CUX2: variants seen among roughly 807,000 people sequenced by gnomAD.
CUX2 encodes cut like homeobox 2, also known as homeobox protein cut-like 2.
Under a neutral mutation model 144.8 loss-of-function variants are expected in CUX2, and 40 were observed. The observed-to-expected ratio is 0.28, with a 90% confidence interval of 0.21 to 0.36. The LOEUF (loss-of-function observed/expected upper bound fraction) is 0.36. CUX2 is among the 10% of genes least tolerant of loss of function. CUX2 has a pLI of 1.00. For missense variants in CUX2, 1,615 were observed against 1,994.0 expected (o/e 0.81, Z 3.62); for synonymous variants, 827 against 875.6 (o/e 0.94, Z 0.98).
chr12:111,281,253 G>A (rs1201350889), intron 4 of CUX2, among the ~76,000 whole-genome samples: 2 of 152,078 alleles, frequency 1.3e-5, no homozygotes, highest in African/African-American at 2.4e-5. Flanking sequence ...GGGACCTGGT[G>A]TCTTGTCCTC....
intron 1 of CUX2, among the ~76,000 whole-genome samples, chr12:111,108,915 G>A (rs1006945616): frequency 6.6e-6 from 1 of 152,150 alleles, no homozygotes; most frequent in Non-Finnish European, 1.5e-5. Flanking sequence ...TAACCCCAGA[G>A]GCTTGATCAG....
intron 1 of CUX2, among the ~76,000 whole-genome samples, chr12:111,058,343 T>C (rs1022628530): frequency 3.0e-4 from 45 of 152,236 alleles, no homozygotes; most frequent in African/African-American, 9.9e-4. Flanking sequence ...ATCTTAAAAA[T>C]TGTCTGATTG....
chr12:111,121,958 C>G (rs1420044042), intron 1 of CUX2, among the ~76,000 whole-genome samples: 1 of 151,688 alleles, frequency 6.6e-6, no homozygotes, highest in East Asian at 1.9e-4. Context: ...CAAATCATTC[C>G]TAGGAGGTTA....
At position 111,263,680 on chromosome 12, in the gene CUX2, TG is replaced by T. The variant is rs1056699935; in HGVS notation, c.223-79del. ...CAAAAAACCTGCAGATGTTTTCTTG[TG>T]GAAAAAAAAAATGATGAAATTTGCT... On this transcript the variant is annotated intron_variant, in intron 3 of 21. Transcript: ENST00000261726. This position sits in a 1 kb window ranked among gnomAD's most constrained non-coding sequence, Gnocchi z 4.0. The T allele has an allele frequency of 2.7e-6, 3 of 1,115,288 alleles. No homozygotes were observed. Among genetic ancestry groups the T allele is most frequent in the Non-Finnish European group, 4.0e-6 (3 of 751,952 alleles). 69.1% of individuals were successfully genotyped at this position (1,115,288 alleles called of 1,614,324 possible).
chr12:111,104,713 G>C (rs1566223824), intron 1 of CUX2, among the ~76,000 whole-genome samples: 1 of 152,220 alleles, frequency 6.6e-6, no homozygotes, highest in African/African-American at 2.4e-5. Context: ...GAGCCGCCAG[G>C]CCAGAAGAGG....
chr12:111,254,646 G>A (rs1403952941), intron 3 of CUX2, among the ~76,000 whole-genome samples: 2 of 152,146 alleles, frequency 1.3e-5, no homozygotes, highest in Admixed American at 6.5e-5. Flanking sequence ...AAATGAATTC[G>A]TGACTTATAC....
At chr12:111,170,227 C>T (rs896597417) in intron 1 of CUX2, among the ~76,000 whole-genome samples, 2 of 152,076 alleles carry the variant, frequency 1.3e-5, no homozygotes, top group African/African-American at 4.8e-5. Flanking sequence ...GTCGGGAGTT[C>T]AAGACCAGCC....
intron 1 of CUX2, among the ~76,000 whole-genome samples, chr12:111,112,568 C>T (rs530138107): frequency 1.2e-4 from 18 of 151,512 alleles, no homozygotes; most frequent in Non-Finnish European, 2.4e-4. Context: ...CACAGGGGGA[C>T]GTGGGGGGAA....
rs761941379 is a variant in CUX2 at position 111,320,548 on chromosome 12, C to T, written c.2539C>T (p.Pro847Ser). 4 of 1,543,234 alleles carry T rather than the reference C, an allele frequency of 2.6e-6. No homozygotes were observed. In the Admixed American group the frequency reaches 5.8e-5, roughly 23 times the overall value. ...GGCGGCAGGGGCGGAGGACGAACCC[C>T]CCAGGACGGGCGAGCTCAAGGCTGA... ...EAAAGAEDEPPRTGELKAEGA... is the reference protein window; with the variant it reads ...EAAAGAEDEPSRTGELKAEGA... The change falls in exon 17 of 22, where the codon CCC becomes TCC. Residue 847 changes from proline (P) to serine (S), a missense_variant. By Grantham distance (74) the Pro-to-Ser change is moderately conservative. Coordinates refer to ENST00000261726, the MANE Select transcript of CUX2 (RefSeq NM_015267.4). This position sits in a 1 kb window ranked among gnomAD's most constrained non-coding sequence, Gnocchi z 8.1.
chr12:111,279,086 G>A (rs1312828349), intron 4 of CUX2, among the ~76,000 whole-genome samples: 3 of 152,214 alleles, frequency 2.0e-5, no homozygotes, highest in African/African-American at 7.2e-5. Flanking sequence ...ACCCAGGGAA[G>A]TAAATGATCA....
chr12:111,233,872 T>C (rs1047482920), intron 3 of CUX2, among the ~76,000 whole-genome samples: 1 of 152,198 alleles, frequency 6.6e-6, no homozygotes, highest in African/African-American at 2.4e-5. Context: ...TACATCACAG[T>C]CTAGCGCTGG....
rs756705494 is a variant in CUX2 at position 111,214,309 on chromosome 12, A to C, written c.173A>C (p.Glu58Ala). The change falls in exon 2 of 22, where the codon GAG (glutamate) becomes GCG (alanine). Residue 58 changes from glutamate to alanine, a missense_variant and splice_region_variant. By Grantham distance (107) the Glu-to-Ala change is moderately radical. Coordinates refer to ENST00000261726, the MANE Select transcript of CUX2 (RefSeq NM_015267.4). ...LRREFKKNVPEEIREMVAPVL... is the reference protein window; with the variant it reads ...LRREFKKNVPAEIREMVAPVL... ...CGGGAATTTAAGAAAAATGTACCTG[A>C]GGTATGGTATATTTGCCGTTATAGA... 2 of 1,551,186 alleles carry C rather than the reference A, an allele frequency of 1.3e-6. No homozygotes were observed. The highest frequency in any genetic ancestry group is 1.8e-6 in the Non-Finnish European group (2 of 1,130,346).
intron 1 of CUX2, among the ~76,000 whole-genome samples, chr12:111,089,023 G>A (rs1252632646): frequency 6.6e-6 from 1 of 152,184 alleles, no homozygotes; most frequent in African/African-American, 2.4e-5. Context: ...GCGGTGGTGT[G>A]CAGTGTTGGG....
intron 1 of CUX2, among the ~76,000 whole-genome samples, chr12:111,119,057 C>T (rs531767894): frequency 3.3e-5 from 5 of 152,360 alleles, no homozygotes; most frequent in African/African-American, 1.2e-4. Context: ...TCATGGGAAA[C>T]TTTCTCAGTT....
intron 4 of CUX2, among the ~76,000 whole-genome samples, chr12:111,272,743 T>C (rs1389830330): frequency 1.3e-5 from 2 of 152,170 alleles, no homozygotes; most frequent in Non-Finnish European, 2.9e-5. Flanking sequence ...GGATTACAGA[T>C]GTGAGCCACC....
At chr12:111,247,897 T>TTTTG (rs1224517354) in intron 3 of CUX2, among the ~76,000 whole-genome samples, 1 of 152,158 alleles carries the variant, frequency 6.6e-6, no homozygotes, top group Non-Finnish European at 1.5e-5. Context: ...AAAGCATATC[T>TTTTG]TTTGTTTGTT....
intron 1 of CUX2, among the ~76,000 whole-genome samples, chr12:111,177,557 A>G (rs890639359): frequency 6.6e-6 from 1 of 152,100 alleles, no homozygotes; most frequent in Non-Finnish European, 1.5e-5. Flanking sequence ...CGCCTGGCTA[A>G]TTTTTGTATT....
chr12:111,110,042 A>ATTTTTTTT (rs397850906), intron 1 of CUX2, among the ~76,000 whole-genome samples: 1 of 134,238 alleles, frequency 7.4e-6, no homozygotes, highest in Non-Finnish European at 1.6e-5. Context: ...CACTCAACTA[A>ATTTTTTTT]TTTTTTTTTT....
At chr12:111,205,472 A>C (rs1050880168) in intron 1 of CUX2, among the ~76,000 whole-genome samples, 1 of 152,120 alleles carries the variant, frequency 6.6e-6, no homozygotes, top group African/African-American at 2.4e-5. Flanking sequence ...TCATTCCACA[A>C]ATATTTATTG....
Sources: gnomAD v4.1 joint callset for allele counts (sites outside exome capture counted in the v4.1 genomes callset) on GRCh38, gnomAD v4.1.1 for gene constraint, Gnocchi (gnomAD v3.1) non-coding constraint, MANE v1.5 for transcripts, NCBI Gene and HGNC (gene_info 2026-07-23, HGNC 2026-07-21) for gene names.